Variants in CSMD1 observed in about 807,000 individuals in gnomAD.
The protein encoded by CSMD1 is CUB and sushi domain-containing protein 1.
CSMD1 carries 213 observed loss-of-function variants against 417.5 expected under a neutral mutation model. The ratio of observed to expected loss-of-function variants is 0.51; its 90% CI spans 0.46 to 0.57. The LOEUF is 0.57. CSMD1 is among the 20% of genes least tolerant of loss of function. CSMD1 has a pLI of 0.00. For missense variants in CSMD1, 6,923 were observed against 4,529.7 expected (o/e 1.53, Z -15.17); for synonymous variants, 2,862 against 1,736.8 (o/e 1.65, Z -16.11).
At chr8:3,110,029 G>T in intron 43 of CSMD1, 129 bp downstream of exon 43, 4 of 759,242 alleles carry the variant, frequency 5.3e-6, no homozygotes, top group Non-Finnish European at 8.1e-6. Flanking sequence ...GGATTTCGTT[G>T]GTGAATTTCT....
intron 8 of CSMD1, among the ~76,000 whole-genome samples, chr8:3,600,209 T>C (rs377759074): frequency 1.3e-5 from 2 of 152,324 alleles, no homozygotes; most frequent in East Asian, 3.9e-4. Flanking sequence ...CAGGTATCTG[T>C]CTGTCTTTCT....
intron 26 of CSMD1, among the ~76,000 whole-genome samples, chr8:3,248,356 T>A (rs561729027): frequency 6.6e-6 from 1 of 152,238 alleles, no homozygotes; most frequent in East Asian, 1.9e-4. Context: ...TCTTAAAATA[T>A]CCCAATTTGA....
chr8:4,914,212 C>A (rs1280858624), intron 1 of CSMD1, among the ~76,000 whole-genome samples: 1 of 152,090 alleles, frequency 6.6e-6, no homozygotes, highest in Admixed American at 6.5e-5. Flanking sequence ...CAGGTGCAAT[C>A]ATTTCTGTTA....
rs570585959 is a variant in CSMD1, at chr8:4,459,748, A to G, written c.303-39683T>C. 7.2e-5 allele frequency among the ~76,000 whole-genome samples: 11 copies of G among 152,308 alleles called. No homozygotes were observed. In the South Asian group the frequency reaches 2.1e-3, roughly 29 times the overall value. On this transcript the variant is annotated intron_variant, in intron 2 of 69. Coordinates refer to ENST00000635120, the MANE Select transcript of CSMD1 (RefSeq NM_033225.6). ...GCAATCAGGTGGAAATTTATTAGTG[A>G]TTCAGCCTCTAGCCTCCAGAACTAT... is the stretch of plus-strand genomic sequence containing the variant.
chr8:4,760,705 A>C (rs542802200), intron 1 of CSMD1, among the ~76,000 whole-genome samples: 1 of 152,302 alleles, frequency 6.6e-6, no homozygotes, highest in South Asian at 2.1e-4. Flanking sequence ...ATTTACTCTA[A>C]TAAAAGGTGT....
intron 1 of CSMD1, among the ~76,000 whole-genome samples, chr8:4,882,716 A>T (rs1399381065): frequency 2.0e-5 from 3 of 151,956 alleles, no homozygotes; most frequent in Admixed American, 1.3e-4. Context: ...AACCAGACTA[A>T]AACACCTTTA....
chr8:4,269,603 T>C (rs906386609), intron 3 of CSMD1, among the ~76,000 whole-genome samples: 5 of 152,200 alleles, frequency 3.3e-5, no homozygotes, highest in Admixed American at 6.6e-5. Context: ...ACATACAGTT[T>C]AACCTCATTT....
At chr8:3,791,839 A>AAT (rs1041255231) in intron 5 of CSMD1, among the ~76,000 whole-genome samples, 13 of 76,726 alleles carry the variant, frequency 1.7e-4, no homozygotes, top group African/African-American at 1.1e-3. Flanking sequence ...TAATAATAAT[A>AAT]AAAAAATAAT....
At chr8:3,265,853 AG>A (rs1326320962) in intron 26 of CSMD1, among the ~76,000 whole-genome samples, 1 of 152,014 alleles carries the variant, frequency 6.6e-6, no homozygotes, top group Non-Finnish European at 1.5e-5. Context: ...GCAGTAGCTC[AG>A]GTGGGGAAGA....
intron 2 of CSMD1, among the ~76,000 whole-genome samples, chr8:4,466,094 T>A (rs892528063): frequency 1.3e-5 from 2 of 152,202 alleles, no homozygotes; most frequent in Admixed American, 1.3e-4. Context: ...TTAAATATCA[T>A]GACACCAGCT....
chr8:3,640,410 G>A (rs1217730024), intron 7 of CSMD1, among the ~76,000 whole-genome samples: 1 of 152,158 alleles, frequency 6.6e-6, no homozygotes, highest in Non-Finnish European at 1.5e-5. Flanking sequence ...ATGGTACATT[G>A]TAAAGACCAG....
intron 3 of CSMD1, among the ~76,000 whole-genome samples, chr8:4,155,331 C>A (rs1796774935): frequency 6.6e-6 from 1 of 152,172 alleles, no homozygotes; most frequent in Non-Finnish European, 1.5e-5. Flanking sequence ...AGAGTCTCAC[C>A]TGCATGACTC....
At chr8:3,496,920 T>G (rs143692902) in intron 10 of CSMD1, among the ~76,000 whole-genome samples, 13 of 152,246 alleles carry the variant, frequency 8.5e-5, no homozygotes, top group Admixed American at 2.6e-4. Flanking sequence ...CTCAGGAACA[T>G]GTTTAATTTC....
chr8:4,546,056 G>A (rs550306993), intron 2 of CSMD1, among the ~76,000 whole-genome samples: 6 of 152,052 alleles, frequency 3.9e-5, no homozygotes, highest in African/African-American at 1.4e-4. Context: ...CTTACCACCT[G>A]CAAGTCAACT....
intron 2 of CSMD1, among the ~76,000 whole-genome samples, chr8:4,628,346 A>G (rs1189417275): frequency 1.3e-5 from 2 of 150,276 alleles, no homozygotes; most frequent in African/African-American, 4.9e-5. Flanking sequence ...TCACTCATAT[A>G]TATATACTTC....
intron 5 of CSMD1, among the ~76,000 whole-genome samples, chr8:3,888,290 A>G (rs186191113): frequency 6.6e-6 from 1 of 152,192 alleles, no homozygotes; most frequent in Non-Finnish European, 1.5e-5. Flanking sequence ...TTGTTAACAT[A>G]AGCTTGACAC....
chr8:3,100,726 T>C (rs1489392569), intron 46 of CSMD1, among the ~76,000 whole-genome samples: 1 of 152,228 alleles, frequency 6.6e-6, no homozygotes, highest in Non-Finnish European at 1.5e-5. Context: ...CAAAGCATCT[T>C]ATTCAACGCA....
chr8:3,248,489 C>G (rs1800031247), intron 26 of CSMD1, among the ~76,000 whole-genome samples: 1 of 150,564 alleles, frequency 6.6e-6, no homozygotes, highest in African/African-American at 2.4e-5. Flanking sequence ...CAGTGAAGCC[C>G]CTCTGCCAGG....
intron 2 of CSMD1, among the ~76,000 whole-genome samples, chr8:4,612,200 G>A (rs1228825239): frequency 1.3e-5 from 2 of 152,088 alleles, no homozygotes; most frequent in Non-Finnish European, 2.9e-5. Flanking sequence ...ACTGGCTGCA[G>A]GCACACTGCC....
Sources: allele counts gnomAD v4.1 joint callset (sites outside exome capture counted in the v4.1 genomes callset), GRCh38; gene constraint gnomAD v4.1.1; transcripts MANE v1.5; gene names NCBI Gene and HGNC (gene_info 2026-07-23, HGNC 2026-07-21).